Variants in SH3RF3 observed in about 807,000 individuals in gnomAD.
SH3RF3 encodes SH3 domain containing ring finger 3.
Under a neutral mutation model 66.3 loss-of-function variants are expected in SH3RF3, and 29 were observed. That is an observed-to-expected ratio of 0.44 (90% CI 0.33 to 0.60). SH3RF3 has a LOEUF of 0.60. Ranked by LOEUF, SH3RF3 falls within the 20% of genes least tolerant of loss-of-function variation. SH3RF3 has a pLI of 0.04. For missense variants in SH3RF3, 1,194 were observed against 1,190.9 expected (o/e 1.00, Z -0.04); for synonymous variants, 583 against 532.0 (o/e 1.10, Z -1.32).
intron 2 of SH3RF3, among the ~76,000 whole-genome samples, chr2:109,361,034 A>T (rs948646605): frequency 2.6e-5 from 4 of 152,156 alleles, no homozygotes; most frequent in African/African-American, 9.7e-5. Context: ...TTTATCATGA[A>T]TGGGTATTGG....
intron 3 of SH3RF3, among the ~76,000 whole-genome samples, chr2:109,391,586 C>T (rs975944636): frequency 7.2e-5 from 11 of 152,206 alleles, no homozygotes; most frequent in African/African-American, 2.4e-4. Context: ...AGGTGTGTGG[C>T]CACGGCTTGT....
At chr2:109,484,652 C>G (rs1310599759) in intron 8 of SH3RF3, among the ~76,000 whole-genome samples, 1 of 152,176 alleles carries the variant, frequency 6.6e-6, no homozygotes, top group Admixed American at 6.5e-5. Context: ...CAACTTTCTC[C>G]TTTTTATTTT....
At chr2:109,211,454 C>T (rs929960823) in intron 1 of SH3RF3, among the ~76,000 whole-genome samples, 3 of 152,118 alleles carry the variant, frequency 2.0e-5, no homozygotes, top group African/African-American at 7.2e-5. Context: ...GGAGTAGGGG[C>T]CGTGTCTGAG....
intron 1 of SH3RF3, among the ~76,000 whole-genome samples, chr2:109,137,100 G>A (rs1480248933): frequency 6.6e-6 from 1 of 152,180 alleles, no homozygotes; most frequent in East Asian, 1.9e-4. Context: ...CATTTAGTTA[G>A]GTGACCAGAT....
chr2:109,244,147 A>G (rs1166713520), intron 1 of SH3RF3, among the ~76,000 whole-genome samples: 1 of 151,980 alleles, frequency 6.6e-6, no homozygotes, highest in Non-Finnish European at 1.5e-5. Flanking sequence ...CTCTGTAGCT[A>G]TTTTTTTTGT....
At chr2:109,247,348 C>A (rs534400853) in intron 1 of SH3RF3, among the ~76,000 whole-genome samples, 1 of 152,292 alleles carries the variant, frequency 6.6e-6, no homozygotes, top group African/African-American at 2.4e-5. Flanking sequence ...CCCTGAACTT[C>A]GTTAGTTTCT....
In SH3RF3 at chr2:109,157,156, G is replaced by C. The variant is rs77211064; in HGVS notation, c.573+27043G>C. On this transcript the variant is annotated intron_variant, in intron 1 of 9. Coordinates refer to ENST00000309415, the MANE Select transcript of SH3RF3 (RefSeq NM_001099289.3). ...GAGAGCACTTGAATTTGATGTCCCAGAGTGTTAGAATGTTATCAGAGGGGA... is the reference window on the plus strand; with the variant it reads ...GAGAGCACTTGAATTTGATGTCCCACAGTGTTAGAATGTTATCAGAGGGGA... 6.6e-3 allele frequency among the ~76,000 whole-genome samples: 1,009 copies of C among 152,202 alleles called. 10 individuals carry two copies. Among genetic ancestry groups the C allele is most frequent in the African/African-American group, 0.023 (946 of 41,502 alleles).
intron 1 of SH3RF3, among the ~76,000 whole-genome samples, chr2:109,305,931 G>A (rs190678629): frequency 2.7e-3 from 409 of 152,306 alleles, no homozygotes; most frequent in Non-Finnish European, 4.6e-3. Flanking sequence ...TCCTCCAGCT[G>A]CTCCTCCAGC....
intron 1 of SH3RF3, among the ~76,000 whole-genome samples, chr2:109,238,805 C>G (rs886421476): frequency 7.2e-5 from 11 of 152,096 alleles, no homozygotes; most frequent in African/African-American, 2.7e-4. Flanking sequence ...TGATGAAACC[C>G]GGCGAGGTGT....
At chr2:109,469,126 C>T (rs1029051844) in intron 8 of SH3RF3, among the ~76,000 whole-genome samples, 2 of 152,172 alleles carry the variant, frequency 1.3e-5, no homozygotes, top group African/African-American at 4.8e-5. Flanking sequence ...CCATGCCATG[C>T]CTTTCTTCTC....
intron 2 of SH3RF3, among the ~76,000 whole-genome samples, chr2:109,364,073 C>T (rs1683108269): frequency 6.6e-6 from 1 of 151,738 alleles, no homozygotes; most frequent in South Asian, 2.1e-4. Flanking sequence ...TCTTTCTTCT[C>T]CTTCTAGTAT....
chr2:109,498,864 G>A (rs1365113878), intron 9 of SH3RF3, among the ~76,000 whole-genome samples: 1 of 152,220 alleles, frequency 6.6e-6, no homozygotes, highest in African/African-American at 2.4e-5. Context: ...TGGCCACACA[G>A]GGAAGGGCGT....
chr2:109,417,610 A>G (rs372339485), intron 4 of SH3RF3, among the ~76,000 whole-genome samples: 1 of 152,072 alleles, frequency 6.6e-6, no homozygotes, highest in Non-Finnish European at 1.5e-5. Flanking sequence ...TTGAAAATCA[A>G]AGGTTTTTCT....
At chr2:109,243,462 G>T (rs978874954) in intron 1 of SH3RF3, among the ~76,000 whole-genome samples, 1 of 152,194 alleles carries the variant, frequency 6.6e-6, no homozygotes, top group Non-Finnish European at 1.5e-5. Context: ...TATTCTCCTC[G>T]TGTGCATTCC....
At chr2:109,299,348 G>C (rs1681400762) in intron 1 of SH3RF3, among the ~76,000 whole-genome samples, 1 of 151,714 alleles carries the variant, frequency 6.6e-6, no homozygotes, top group Admixed American at 6.6e-5. Flanking sequence ...TTCCCATTTG[G>C]GTTACTGCTG....
chr2:109,392,624 T>G (rs1489175873), intron 3 of SH3RF3, among the ~76,000 whole-genome samples: 2 of 152,058 alleles, frequency 1.3e-5, no homozygotes, highest in Non-Finnish European at 2.9e-5. Context: ...ACGCCAGCCG[T>G]TCTCCTGCCT....
intron 4 of SH3RF3, among the ~76,000 whole-genome samples, chr2:109,419,071 G>C (rs1676802021): frequency 6.6e-6 from 1 of 152,210 alleles, no homozygotes; most frequent in Admixed American, 6.5e-5. Context: ...GTGACTCCCG[G>C]TCCTCTTGGC....
chr2:109,338,874 C>G (rs1262801718), intron 1 of SH3RF3, among the ~76,000 whole-genome samples: 1 of 152,130 alleles, frequency 6.6e-6, no homozygotes, highest in East Asian at 1.9e-4. Context: ...CCCTCAAACT[C>G]AACTCCTAAG....
intron 1 of SH3RF3, among the ~76,000 whole-genome samples, chr2:109,328,593 T>C (rs1206890456): frequency 1.3e-5 from 2 of 152,226 alleles, no homozygotes; most frequent in African/African-American, 4.8e-5. Flanking sequence ...ATCTTTGTAC[T>C]TTCTAATCTA....
Sources: gnomAD v4.1 joint callset for allele counts (sites outside exome capture counted in the v4.1 genomes callset) on GRCh38, gnomAD v4.1.1 for gene constraint, MANE v1.5 for transcripts, NCBI Gene and HGNC (gene_info 2026-07-23, HGNC 2026-07-21) for gene names.